Variants in TRAPPC8 observed in about 807,000 individuals in gnomAD.
TRAPPC8 encodes trafficking protein particle complex subunit 8.
A neutral mutation model predicts 174.3 loss-of-function variants in TRAPPC8; 54 were observed. The observed-to-expected ratio is 0.31, with a 90% CI of 0.25 to 0.39. TRAPPC8 has a LOEUF of 0.39. TRAPPC8 is among the 10% of genes least tolerant of loss of function. TRAPPC8 has a pLI of 1.00. For missense variants in TRAPPC8, 1,531 were observed against 1,699.1 expected, an observed-to-expected ratio of 0.90 and a Z score of 1.74; for synonymous variants, 630 against 579.9, an observed-to-expected ratio of 1.09 and a Z score of -1.24.
chr18:31,859,608 G>GTA (rs2034218188), intron 19 of TRAPPC8, among the ~76,000 whole-genome samples: 2 of 152,222 alleles, frequency 1.3e-5, no homozygotes, highest in South Asian at 4.1e-4. Flanking sequence ...CATCAAGAAG[G>GTA]TTACAGCATT....
chr18:31,936,627 C>T (rs999156711), intron 1 of TRAPPC8, among the ~76,000 whole-genome samples: 4 of 151,754 alleles, frequency 2.6e-5, no homozygotes, highest in African/African-American at 7.3e-5. Context: ...AGAGGCCAGA[C>T]GCAGTGGCTC....
intron 26 of TRAPPC8, among the ~76,000 whole-genome samples, chr18:31,842,122 G>GT (rs767026892): frequency 1.3e-4 from 20 of 152,196 alleles, no homozygotes; most frequent in Non-Finnish European, 2.1e-4. Context: ...GCATCTTGGT[G>GT]TATGTATGGG....
At chr18:31,930,514 AAATATGTTAATTTGATGATGTACTTTG>A (rs1332333055) in intron 2 of TRAPPC8, among the ~76,000 whole-genome samples, 1 of 152,230 alleles carries the variant, frequency 6.6e-6, no homozygotes, top group Non-Finnish European at 1.5e-5. Context: ...TAGACTGCTG[AAATATGTTAATTTGATGATGTACTTTG>A]AATATTTTCC....
In TRAPPC8 at chr18:31,839,373, T is replaced by C; in HGVS notation, c.3922A>G (p.Ser1308Gly). 2 of 1,612,676 alleles carry C rather than the reference T, an allele frequency of 1.2e-6. No homozygotes were observed. Among genetic ancestry groups the C allele is most frequent in the Non-Finnish European group, 1.7e-6 (2 of 1,179,358 alleles). Residue 1308 changes from serine to glycine, a missense_variant, in exon 27 of 29, where the codon AGT (serine) becomes GGT (glycine). Physicochemically the swap from Ser to Gly is moderately conservative, Grantham distance 56. Transcript: ENST00000283351. ...TAGTGAAGACTCGTTTTAATGAGAC[T>C]AGAAAGCTGCTCTACTGATGGCCTT... ...SSRPSVEQLSSLIKTSLHYPE... is the reference protein window; with the variant it reads ...SSRPSVEQLSGLIKTSLHYPE...
In TRAPPC8 at chr18:31,838,557, G is replaced by C. The variant is rs139716115; in HGVS notation, c.3983+755C>G. Among the ~76,000 whole-genome samples, 1,218 of 152,196 alleles carry C rather than the reference G, an allele frequency of 8.0e-3. 13 individuals are homozygous for C. Among genetic ancestry groups the C allele is most frequent in the Non-Finnish European group, 0.014 (931 of 68,008 alleles). ...CCAGTTTCTTGAAAGGATGGTCAAC[G>C]CGGTATCTTTACTTTCTTACCTCCT... On this transcript the variant is annotated intron_variant, in intron 27 of 28. Coordinates refer to ENST00000283351, the MANE Select transcript of TRAPPC8 (RefSeq NM_014939.5).
intron 2 of TRAPPC8, among the ~76,000 whole-genome samples, chr18:31,925,548 G>C (rs2037578883): frequency 6.6e-6 from 1 of 152,148 alleles, no homozygotes; most frequent in Non-Finnish European, 1.5e-5. Context: ...ACTAACAGTA[G>C]TTTCAGAAAG....
At chr18:31,897,506 T>C (rs2036231977) in intron 11 of TRAPPC8, among the ~76,000 whole-genome samples, 1 of 152,206 alleles carries the variant, frequency 6.6e-6, no homozygotes, top group African/African-American at 2.4e-5. Context: ...TCAATATTCT[T>C]ATTCAAAGGA....
intron 12 of TRAPPC8, among the ~76,000 whole-genome samples, chr18:31,884,550 C>T (rs2035611123): frequency 6.6e-6 from 1 of 152,176 alleles, no homozygotes; most frequent in Non-Finnish European, 1.5e-5. Context: ...TTATCACTGC[C>T]ACTCTCTGAA....
Position 31,931,498 on chromosome 18 carries a change from T to C in TRAPPC8, c.183A>G (p.Gln61=), listed in dbSNP as rs146923845. Residue 61 remains glutamine (Q), a synonymous_variant, in exon 2 of 29, where the codon CAA becomes CAG. Transcript: ENST00000283351. ...SEVHMRDPNN[Q]LHVIKNLKIA... ...TCTTCAAATTTTTAATTACGTGAAG[T>C]TGATTATTAGGATCTCTCATGTGAA... 261 of 1,601,438 alleles carry C rather than the reference T, an allele frequency of 1.6e-4. No individual in the cohort carries two copies. Among genetic ancestry groups the C allele is most frequent in the South Asian group, 2.2e-4 (19 of 87,844 alleles).
intron 26 of TRAPPC8, among the ~76,000 whole-genome samples, chr18:31,845,947 A>G (rs975265240): frequency 6.6e-6 from 1 of 152,320 alleles, no homozygotes; most frequent in East Asian, 1.9e-4. Context: ...TAGGAAAAAT[A>G]AGAAAGCATA....
At chr18:31,849,433 A>T in intron 25 of TRAPPC8, 133 bp downstream of exon 25, 1 of 772,624 alleles carries the variant, frequency 1.3e-6, no homozygotes, top group Middle Eastern at 4.3e-4. Context: ...AAAAATATGT[A>T]ACTGTTAAAG....
intron 27 of TRAPPC8, among the ~76,000 whole-genome samples, chr18:31,833,579 G>A (rs903450695): frequency 2.0e-5 from 3 of 152,158 alleles, no homozygotes; most frequent in Admixed American, 6.5e-5. Flanking sequence ...GCACCACAAT[G>A]CAATCTATTC....
chr18:31,830,865 A>G lies in TRAPPC8; in HGVS notation c.4198T>C (p.Tyr1400His), dbSNP rs1206760888. The change falls in exon 29 of 29, where the codon TAT becomes CAT. Residue 1400 changes from tyrosine to histidine, a missense_variant. Transcript: ENST00000283351. ...LKACFVHTGV[Y>H]NLGTPRVFAK... ...AATACCCTAGGAGTTCCAAGGTTAT[A>G]AACACCTGTATGAACAAAGCATGCT... 1.9e-6 allele frequency: 3 copies of G among 1,614,102 alleles called. No homozygotes were observed. The African/African-American group carries it at 4.0e-5, about 22-fold the overall frequency.
intron 9 of TRAPPC8, among the ~76,000 whole-genome samples, chr18:31,902,577 TGA>T (rs1164480176): frequency 6.6e-6 from 1 of 152,172 alleles, no homozygotes; most frequent in Non-Finnish European, 1.5e-5. Context: ...TCTGATATGC[TGA>T]GATGTAACAC....
chr18:31,937,159 A>G (rs1023126552), intron 1 of TRAPPC8, among the ~76,000 whole-genome samples: 3 of 152,108 alleles, frequency 2.0e-5, no homozygotes, highest in Non-Finnish European at 4.4e-5. Flanking sequence ...GCTTGCAGTG[A>G]GCTGAGACGC....
At position 31,830,740 on chromosome 18, in the gene TRAPPC8, C is replaced by A. The variant is rs762131604; in HGVS notation, c.*15G>T. ...AAACTGATTATTGTGGATTTCAGTA[C>A]AAATTTCCAAGTTGTCACACATTAC... On this transcript the variant is annotated 3_prime_UTR_variant, in exon 29 of 29. Coordinates refer to ENST00000283351, the MANE Select transcript of TRAPPC8 (RefSeq NM_014939.5). The A allele has an allele frequency of 4.4e-6, 7 of 1,603,958 alleles. No individual in the cohort carries two copies. The East Asian group carries it at 1.6e-4, about 36-fold the overall frequency.
At chr18:31,856,661 A>C (rs955354338) in intron 20 of TRAPPC8, among the ~76,000 whole-genome samples, 2 of 152,082 alleles carry the variant, frequency 1.3e-5, no homozygotes, top group African/African-American at 4.8e-5. Flanking sequence ...CTTTTACAAA[A>C]ATTTTACACT....
At chr18:31,916,720 G>A (rs906672279) in intron 3 of TRAPPC8, among the ~76,000 whole-genome samples, 1 of 151,866 alleles carries the variant, frequency 6.6e-6, no homozygotes, top group African/African-American at 2.4e-5. Context: ...TTTTTGTAAA[G>A]ACGGGGTTTC....
intron 14 of TRAPPC8, among the ~76,000 whole-genome samples, chr18:31,872,481 C>T (rs762754781): frequency 1.4e-4 from 21 of 151,934 alleles, no homozygotes; most frequent in African/African-American, 4.3e-4. Flanking sequence ...AGCGCAGTGG[C>T]GAGATCTCGG....
Sources: gnomAD v4.1 joint callset for allele counts (sites outside exome capture counted in the v4.1 genomes callset) on GRCh38, gnomAD v4.1.1 for gene constraint, MANE v1.5 for transcripts, NCBI Gene and HGNC (gene_info 2026-07-23, HGNC 2026-07-21) for gene names.